PLEKHG1: variants seen among roughly 807,000 people sequenced by gnomAD.
PLEKHG1 encodes pleckstrin homology and RhoGEF domain containing G1, also known as pleckstrin homology domain-containing family G member 1.
Under a neutral mutation model 100.8 loss-of-function variants are expected in PLEKHG1, and 44 were observed. The observed-to-expected ratio is 0.44, with a 90% CI of 0.34 to 0.56. PLEKHG1 has a LOEUF of 0.56. Ranked by LOEUF, PLEKHG1 falls within the 20% of genes least tolerant of loss-of-function variation. The pLI is 0.01. For missense variants in PLEKHG1, 1,545 were observed against 1,720.9 expected (o/e 0.90, Z 1.81); for synonymous variants, 640 against 662.5 (o/e 0.97, Z 0.52).
chr6:150,800,685 A>G lies in PLEKHG1; in HGVS notation c.630-34A>G. The G allele has an allele frequency of 1.9e-6, 3 of 1,602,176 alleles. No homozygotes were observed. The South Asian group carries it at 3.3e-5, about 18-fold the overall frequency. On this transcript the variant is annotated intron_variant, in intron 5 of 15. Transcript: ENST00000358517. The stretch of plus-strand genomic sequence containing the variant: ...AATTTGAATACCCACATAAAGCATT[A>G]CAATTTAGATAAAAACATGGACTCT...
intron 2 of PLEKHG1, among the ~76,000 whole-genome samples, chr6:150,755,677 A>G (rs969768847): frequency 3.9e-5 from 6 of 152,058 alleles, no homozygotes; most frequent in Non-Finnish European, 7.4e-5. Context: ...CTCAGCAAGG[A>G]AGTAACTCGC....
intron 7 of PLEKHG1, among the ~76,000 whole-genome samples, chr6:150,805,032 T>C (rs1786978394): frequency 6.7e-6 from 1 of 150,246 alleles, no homozygotes; most frequent in Non-Finnish European, 1.5e-5. Flanking sequence ...GCCTCTGGGG[T>C]TCAAGCAGTT....
At chr6:150,663,089 C>T (rs1779259177) in intron 3 of PLEKHG1, 1 of 152,142 alleles carries the variant, frequency 6.6e-6, no homozygotes, top group Non-Finnish European at 1.5e-5. Flanking sequence ...TTTTCTTCCC[C>T]CATGGTCGTT....
rs75214606 is a variant in PLEKHG1 at position 150,667,832 on chromosome 6, G to A, written c.-99+17046G>A. Among the ~76,000 whole-genome samples the A allele has an allele frequency of 6.7e-3, 1,024 of 152,272 alleles. 13 individuals are homozygous for A. The highest frequency in any genetic ancestry group is 0.023 in the African/African-American group (969 of 41,554). On this transcript the variant is annotated intron_variant, in intron 3 of 3. Transcript: ENST00000367326. ...ACTACAAGGGATAGTGAATCCATCA[G>A]CAGTCACAAGTAAAAATACTGTCTT...
intron 1 of PLEKHG1, among the ~76,000 whole-genome samples, chr6:150,732,868 G>A (rs560560780): frequency 5.3e-5 from 8 of 152,324 alleles, no homozygotes; most frequent in East Asian, 3.9e-4. Flanking sequence ...ATTTACAGGC[G>A]TGAGCCACCA....
At chr6:150,729,223 AATTTTTTGT>A (rs1583015883) in intron 1 of PLEKHG1, among the ~76,000 whole-genome samples, 1 of 152,106 alleles carries the variant, frequency 6.6e-6, no homozygotes, top group Non-Finnish European at 1.5e-5. Context: ...ACACCTGGCT[AATTTTTTGT>A]ATTTTTTGTA....
intron 1 of PLEKHG1, among the ~76,000 whole-genome samples, chr6:150,609,111 G>A (rs1458203279): frequency 6.6e-6 from 1 of 152,212 alleles, no homozygotes; most frequent in Non-Finnish European, 1.5e-5. Flanking sequence ...GGGGCAAAGG[G>A]AACACATTTT....
chr6:150,600,039 A>G lies in PLEKHG1; in HGVS notation c.-204+22A>G. On this transcript the variant is annotated intron_variant, in intron 1 of 3. Transcript: ENST00000367326. The surrounding 1 kb of genome is among the most constrained non-coding windows in gnomAD (Gnocchi z 6.2). Reference sequence around the variant, plus strand: ...CCGGGTAAGCGCCGGTCGGGCCCGGACGCCCTGGGGACTTTTCCAGGGATG... The same window carrying G: ...CCGGGTAAGCGCCGGTCGGGCCCGGGCGCCCTGGGGACTTTTCCAGGGATG... 1 of 220,386 alleles carries G rather than the reference A, an allele frequency of 4.5e-6. No individual in the cohort carries two copies. Among genetic ancestry groups the G allele is most frequent in the Non-Finnish European group, 9.7e-6 (1 of 103,292 alleles). 13.7% of individuals were successfully genotyped at this position (220,386 alleles called of 1,614,324 possible). A position where few individuals can be genotyped will look rare whatever the true frequency, so the allele number is the denominator to read the frequency against.
intron 3 of PLEKHG1, among the ~76,000 whole-genome samples, chr6:150,776,675 C>T (rs1412204368): frequency 7.1e-6 from 1 of 140,982 alleles, no homozygotes; most frequent in African/African-American, 2.9e-5. Context: ...GCACATTACT[C>T]ACACTGATGC....
chr6:150,673,147 G>T (rs562466834), intron 3 of PLEKHG1, among the ~76,000 whole-genome samples: 1 of 152,132 alleles, frequency 6.6e-6, no homozygotes, highest in Non-Finnish European at 1.5e-5. Flanking sequence ...ATTTTGGCAT[G>T]TATCTGCAGT....
chr6:150,840,656 T>C (rs1562573387), exon 16 of PLEKHG1: 3 of 1,614,196 alleles, frequency 1.9e-6, no homozygotes, highest in South Asian at 1.1e-5. Flanking sequence ...ACTCAAAGTT[T>C]GTGGATGCTG....
At chr6:150,629,317 C>T (rs996265404) in intron 1 of PLEKHG1, among the ~76,000 whole-genome samples, 1 of 152,150 alleles carries the variant, frequency 6.6e-6, no homozygotes, top group Non-Finnish European at 1.5e-5. Context: ...ACATTTAAAC[C>T]TAAAGCCTCA....
chr6:150,693,857 A>G (rs1048948005), intron 3 of PLEKHG1, among the ~76,000 whole-genome samples: 2 of 152,250 alleles, frequency 1.3e-5, no homozygotes, highest in Admixed American at 6.5e-5. Flanking sequence ...CAGGGACCTC[A>G]TGACTACCTC....
exon 16 of PLEKHG1, chr6:150,843,253 T>A (rs1401092502): frequency 2.0e-5 from 3 of 152,216 alleles, no homozygotes; most frequent in Non-Finnish European, 4.4e-5. Context: ...TAAGTGGGTA[T>A]CTTACTGTAT....
chr6:150,822,150 CAAAAAAAAAAAAAAAAAAAA>C (rs58672381), intron 13 of PLEKHG1, among the ~76,000 whole-genome samples: 1 of 36,700 alleles, frequency 2.7e-5, no homozygotes, highest in Non-Finnish European at 4.9e-5. Flanking sequence ...CCAAAGGACT[CAAAAAAAAAAAAAAAAAAAA>C]AAAAAAAAGA....
chr6:150,616,223 TG>T (rs1434723060), intron 1 of PLEKHG1, among the ~76,000 whole-genome samples: 24 of 152,314 alleles, frequency 1.6e-4, no homozygotes, highest in African/African-American at 4.8e-4. Context: ...CTAGTGTAGG[TG>T]GCTCTCTGCA....
chr6:150,741,939 C>T (rs776228861), intron 2 of PLEKHG1, among the ~76,000 whole-genome samples: 3 of 152,194 alleles, frequency 2.0e-5, no homozygotes, highest in Non-Finnish European at 2.9e-5. Flanking sequence ...GAACCACCAC[C>T]GTCCCCACTT....
intron 3 of PLEKHG1, among the ~76,000 whole-genome samples, chr6:150,781,515 A>AG (rs1491180163): frequency 6.6e-6 from 1 of 151,412 alleles, no homozygotes; most frequent in Non-Finnish European, 1.5e-5. Context: ...CAAAAAAAAA[A>AG]GAAAAGAAAA....
intron 7 of PLEKHG1, among the ~76,000 whole-genome samples, chr6:150,807,553 T>A (rs954993301): frequency 6.6e-6 from 1 of 152,232 alleles, no homozygotes; most frequent in African/African-American, 2.4e-5. Flanking sequence ...GATATTCATA[T>A]ACAATAAATC....
Sources: gnomAD v4.1 joint callset for allele counts (sites outside exome capture counted in the v4.1 genomes callset) on GRCh38, gnomAD v4.1.1 for gene constraint, Gnocchi (gnomAD v3.1) non-coding constraint, MANE v1.5 for transcripts, NCBI Gene and HGNC (gene_info 2026-07-23, HGNC 2026-07-21) for gene names.